Variants in CARD14 observed in about 807,000 individuals in gnomAD.
The protein encoded by CARD14 is caspase recruitment domain family member 14, also known as caspase recruitment domain-containing protein 14.
A neutral mutation model predicts 111.5 loss-of-function variants in CARD14; 107 were observed. That is an observed-to-expected ratio of 0.96 (90% CI 0.82 to 1.13). CARD14 has a LOEUF of 1.13. Among genes scored for constraint, CARD14 ranks in the 50% most tolerant of loss-of-function variants. The probability of loss-of-function intolerance (pLI) is 0.00; values close to 1 mark genes in which losing one functional copy is unlikely to be tolerated. For missense variants in CARD14, 1,322 were observed against 1,362.3 expected (o/e 0.97, Z 0.47); for synonymous variants, 617 against 579.6 (o/e 1.06, Z -0.93).
At chr17:80,204,720 C>A in intron 20 of CARD14, 1 of 413,500 alleles carries the variant, frequency 2.4e-6, no homozygotes, top group East Asian at 3.9e-5. Flanking sequence ...GTGCCACTCT[C>A]CCAGATCCTT....
In CARD14 at chr17:80,198,348, C is replaced by T. The variant is rs749671516; in HGVS notation, c.1659-51C>T. ...GGAAGCAATGGGGAGGTGGCCTTGC[C>T]GGCTCTCCTGCTCTGGGCAGTGCAC... On this transcript the variant is annotated intron_variant, in intron 15 of 23. Transcript: ENST00000648509. This position sits in a 1 kb window ranked among gnomAD's most constrained non-coding sequence, Gnocchi z 7.5. 50 of 1,561,562 alleles carry T rather than the reference C, an allele frequency of 3.2e-5. No individual in the cohort carries two copies. Among genetic ancestry groups the T allele is most frequent in the Non-Finnish European group, 4.0e-5 (46 of 1,150,820 alleles).
intron 16 of CARD14, among the ~76,000 whole-genome samples, chr17:80,200,229 A>ATTTTTTTT (rs373332962): frequency 4.0e-5 from 3 of 74,412 alleles, no homozygotes; most frequent in African/African-American, 1.1e-4. Context: ...TTTACATGTC[A>ATTTTTTTT]TTTTTTTTTT....
Position 80,209,263 on chromosome 17 carries a change from G to A in CARD14, c.*918G>A. 1.1e-6 allele frequency: 1 copy of A among 938,040 alleles called. No homozygotes were observed. The highest frequency in any genetic ancestry group is 1.3e-6 in the Non-Finnish European group (1 of 786,686). 58.1% of individuals were successfully genotyped at this position (938,040 alleles called of 1,614,324 possible). The stretch of plus-strand genomic sequence containing the variant: ...GGAAGCTGTTCTAGAATTCAGGTTG[G>A]TATCATCATAAATGAGTTCAGAAAA... On this transcript the variant is annotated 3_prime_UTR_variant, in exon 24 of 24. Coordinates refer to ENST00000648509, the MANE Select transcript of CARD14 (RefSeq NM_001366385.1).
chr17:80,190,726 C>A (rs1227072656), intron 9 of CARD14, 48 bp from the exon 10 acceptor site: 3 of 1,607,928 alleles, frequency 1.9e-6, no homozygotes, highest in Non-Finnish European at 2.6e-6. Flanking sequence ...TAAGGCCAGA[C>A]CCTCAGAGCT....
Position 80,198,578 on chromosome 17 carries a change from C to A in CARD14, c.1838C>A (p.Thr613Asn). 6.2e-7 allele frequency: 1 copy of A among 1,612,394 alleles called. No homozygotes were observed. Among genetic ancestry groups the A allele is most frequent in the Non-Finnish European group, 8.5e-7 (1 of 1,179,578 alleles). The change falls in exon 16 of 24, where the codon ACC (threonine) becomes AAC (asparagine). Residue 613 changes from threonine (T) to asparagine (N), a missense_variant. Coordinates refer to ENST00000648509, the MANE Select transcript of CARD14 (RefSeq NM_001366385.1). The surrounding 1 kb of genome is among the most constrained non-coding windows in gnomAD (Gnocchi z 7.5). Reference sequence around the variant, plus strand: ...GACCAGATGGCCTTGCGCCCGGGCACCCAGATTGTGATGGTGAGCCGTGCG... The same window carrying A: ...GACCAGATGGCCTTGCGCCCGGGCAACCAGATTGTGATGGTGAGCCGTGCG... Reference protein sequence around the residue: ...AADQMALRPGTQIVMVDYEAS... With the variant: ...AADQMALRPGNQIVMVDYEAS...
chr17:80,189,852 G>A lies in CARD14; in HGVS notation c.943G>A (p.Ala315Thr). 1.3e-6 allele frequency: 2 copies of A among 1,593,152 alleles called. No homozygotes were observed. The highest frequency in any genetic ancestry group is 2.3e-5 in the East Asian group (1 of 42,760). ...CTCGCTGCGGGAGCGGGCCGTGGCT[G>A]CCGAGAGGCAGCGAGAGCAGGTGCC... ...IHSLRERAVA[A>T]ERQREQYWEE... is the part of the protein sequence containing the mutation. The change falls in exon 9 of 24, where the codon GCC becomes ACC. Residue 315 changes from alanine to threonine, a missense_variant. Physicochemically the swap from Ala to Thr is moderately conservative, Grantham distance 58. Transcript: ENST00000648509. This position sits in a 1 kb window ranked among gnomAD's most constrained non-coding sequence, Gnocchi z 4.7.
intron 11 of CARD14, among the ~76,000 whole-genome samples, chr17:80,191,940 C>T (rs2040543924): frequency 1.3e-5 from 2 of 152,248 alleles, no homozygotes; most frequent in Non-Finnish European, 2.9e-5. Flanking sequence ...GCCTCTCATT[C>T]TGGGCTGGCA....
Position 80,189,720 on chromosome 17 carries a change from C to T in CARD14, c.844-33C>T, listed in dbSNP as rs1338543207. ...TGCCTAGGGCAGGCCTCTGGGGAAG[C>T]CAGCACCCCAGGCTGACCTCTCTCT... On this transcript the variant is annotated intron_variant, in intron 8 of 23. Transcript: ENST00000648509. The surrounding 1 kb of genome is among the most constrained non-coding windows in gnomAD (Gnocchi z 4.7). 5.3e-6 allele frequency: 8 copies of T among 1,522,202 alleles called. No homozygotes were observed. The highest frequency in any genetic ancestry group is 7.0e-6 in the Non-Finnish European group (8 of 1,142,400). The allele number at this position is 1,522,202 out of a possible 1,614,324, so 94.3% of individuals were successfully genotyped here.
At chr17:80,190,006 G>C (rs1042989019) in intron 9 of CARD14, 134 bp downstream of exon 9, 1 of 1,255,752 alleles carries the variant, frequency 8.0e-7, no homozygotes, top group South Asian at 1.6e-5. Flanking sequence ...CTGTCGGCCT[G>C]TTCATCTGTC....
intron 22 of CARD14, chr17:80,205,919 T>G: frequency 2.9e-6 from 1 of 350,804 alleles, no homozygotes; most frequent in East Asian, 5.1e-5. Context: ...CGAGAATGAA[T>G]AAATCCGAGC....
intron 1 of CARD14, among the ~76,000 whole-genome samples, chr17:80,172,231 G>A (rs1264107425): frequency 6.6e-6 from 1 of 152,244 alleles, no homozygotes; most frequent in African/African-American, 2.4e-5. Context: ...GTAGGCGACT[G>A]TTTAGGGACA....
rs2040419183 is a variant in CARD14 at position 80,188,558 on chromosome 17, C to G, written c.843+14C>G. The G allele has an allele frequency of 1.4e-6, 2 of 1,461,782 alleles. No homozygotes were observed. Among genetic ancestry groups the G allele is most frequent in the African/African-American group, 1.4e-5 (1 of 69,424 alleles). The allele number at this position is 1,461,782 out of a possible 1,614,324, so 90.6% of individuals were successfully genotyped here. A position where few individuals can be genotyped will look rare whatever the true frequency, so the allele number is the denominator to read the frequency against. ...ACTTTCAGCCTGGTAGGTTCCGGTC[C>G]CCGCAGCAGAGAGCGGCCTCCTGCC... On this transcript the variant is annotated intron_variant, in intron 8 of 23. Transcript: ENST00000648509. This position sits in a 1 kb window ranked among gnomAD's most constrained non-coding sequence, Gnocchi z 4.5.
rs2039936009 is a variant in CARD14 at position 80,172,897 on chromosome 17, T to TTTTTTTTTTTTTTTTTTTTTG, written c.-689-8_-689-7insTTTTTTTTTTTTTTTTTTTGT. 7.6e-6 allele frequency: 1 copy of TTTTTTTTTTTTTTTTTTTTTG among 131,282 alleles called. No individual in the cohort carries two copies. Among genetic ancestry groups the TTTTTTTTTTTTTTTTTTTTTG allele is most frequent in the African/African-American group, 3.0e-5 (1 of 33,218 alleles). The allele number at this position is 131,282 out of a possible 1,614,324, so 8.1% of individuals were successfully genotyped here. A position where few individuals can be genotyped will look rare whatever the true frequency, so the allele number is the denominator to read the frequency against. ...CTTTTTTTTTTTTTTTTTTTTTTTT[T>TTTTTTTTTTTTTTTTTTTTTG]TGAGGTAGAGTTTCACTCTGGCTCC... On this transcript the variant is annotated splice_polypyrimidine_tract_variant and intron_variant, in intron 1 of 23. Coordinates refer to ENST00000648509, the MANE Select transcript of CARD14 (RefSeq NM_001366385.1).
rs1346955666 is a variant in CARD14 at position 80,173,195 on chromosome 17, A to T, written c.-400A>T. On this transcript the variant is annotated 5_prime_UTR_variant, in exon 2 of 24. Coordinates refer to ENST00000648509, the MANE Select transcript of CARD14 (RefSeq NM_001366385.1). ...ACCAGGCCTAAACAGATTTCTTTAC[A>T]ATCTACCACCATGAACAGCAAGCAT... 1.3e-5 allele frequency: 2 copies of T among 153,328 alleles called. No individual in the cohort carries two copies. The highest frequency in any genetic ancestry group is 6.6e-5 in the Admixed American group (1 of 15,224). 9.5% of individuals were successfully genotyped at this position (153,328 alleles called of 1,614,324 possible).
chr17:80,205,510 C>G, intron 21 of CARD14, 21 bp from the exon 22 acceptor site: 1 of 1,577,950 alleles, frequency 6.3e-7, no homozygotes. Context: ...CTATGATGGC[C>G]CCGTCCAATG....
intron 12 of CARD14, among the ~76,000 whole-genome samples, chr17:80,194,762 C>A (rs962934338): frequency 2.0e-5 from 3 of 152,146 alleles, no homozygotes; most frequent in Admixed American, 6.5e-5. Flanking sequence ...CAGTCACTCT[C>A]ACGAGAACAG....
chr17:80,201,505 G>A lies in CARD14; in HGVS notation c.1852-239G>A, dbSNP rs969657186. 25 of 535,440 alleles carry A rather than the reference G, an allele frequency of 4.7e-5. No homozygotes were observed. Among genetic ancestry groups the A allele is most frequent in the East Asian group, 2.7e-4 (8 of 30,080 alleles). The allele number at this position is 535,440 out of a possible 1,614,324, so 33.2% of individuals were successfully genotyped here. A position where few individuals can be genotyped will look rare whatever the true frequency, so the allele number is the denominator to read the frequency against. On this transcript the variant is annotated intron_variant, in intron 16 of 23. Coordinates refer to ENST00000648509, the MANE Select transcript of CARD14 (RefSeq NM_001366385.1). The surrounding 1 kb of genome is among the most constrained non-coding windows in gnomAD (Gnocchi z 5.0). ...CTTATCACAAAGAACCCCCGATCTC[G>A]ACTGGGGAAGGGTTGGCAGTTGACT...
At position 80,189,878 on chromosome 17, in the gene CARD14, G is replaced by C. The variant is rs376630011; in HGVS notation, c.963+6G>C. 3 of 1,593,262 alleles carry C rather than the reference G, an allele frequency of 1.9e-6. No individual in the cohort carries two copies. The highest frequency in any genetic ancestry group is 2.6e-6 in the Non-Finnish European group (3 of 1,172,122). Reference sequence around the variant, plus strand: ...CCGAGAGGCAGCGAGAGCAGGTGCCGTGTGAGCCCTTCCTCCCTTGTGACT... The same window carrying C: ...CCGAGAGGCAGCGAGAGCAGGTGCCCTGTGAGCCCTTCCTCCCTTGTGACT... On this transcript the variant is annotated splice_donor_region_variant and intron_variant, in intron 9 of 23. Transcript: ENST00000648509. This position sits in a 1 kb window ranked among gnomAD's most constrained non-coding sequence, Gnocchi z 4.7.
In CARD14 at chr17:80,202,094, C is replaced by G. The variant is rs2041008461; in HGVS notation, c.1979-86C>G. 2.3e-6 allele frequency: 3 copies of G among 1,329,108 alleles called. No homozygotes were observed. In the Admixed American group the frequency reaches 5.5e-5, roughly 25 times the overall value. The allele number at this position is 1,329,108 out of a possible 1,614,324, so 82.3% of individuals were successfully genotyped here. A position where few individuals can be genotyped will look rare whatever the true frequency, so the allele number is the denominator to read the frequency against. ...GCTTCTGAGACTGGGAGGGTCCTTC[C>G]TTCTCTCCTACTTTAATTTTCTGCA... On this transcript the variant is annotated intron_variant, in intron 17 of 23. Transcript: ENST00000648509.
Sources: gnomAD v4.1 joint callset for allele counts (sites outside exome capture counted in the v4.1 genomes callset) on GRCh38, gnomAD v4.1.1 for gene constraint, Gnocchi (gnomAD v3.1) non-coding constraint, MANE v1.5 for transcripts, NCBI Gene and HGNC (gene_info 2026-07-23, HGNC 2026-07-21) for gene names.